KCND2: variants seen among roughly 807,000 people sequenced by gnomAD.
KCND2 encodes the protein potassium voltage-gated channel subfamily D member 2.
Under a neutral mutation model 54.4 loss-of-function variants are expected in KCND2, and 16 were observed. The ratio of observed to expected loss-of-function variants is 0.29; its 90% confidence interval spans 0.20 to 0.45. The LOEUF is 0.45. KCND2 is among the 20% of genes least tolerant of loss of function. KCND2 has a pLI of 1.00. For missense variants in KCND2, 486 were observed against 824.2 expected, an observed-to-expected ratio of 0.59 and a Z score of 5.02; for synonymous variants, 317 against 310.7, an observed-to-expected ratio of 1.02 and a Z score of -0.21.
intron 1 of KCND2, among the ~76,000 whole-genome samples, chr7:120,280,598 G>T (rs539096179): frequency 1.3e-3 from 194 of 151,958 alleles, no homozygotes; most frequent in African/African-American, 4.5e-3. Context: ...CTTTGAAAAT[G>T]AGTCACAAAG....
intron 1 of KCND2, among the ~76,000 whole-genome samples, chr7:120,579,977 T>G (rs1584838152): frequency 6.6e-6 from 1 of 152,350 alleles, no homozygotes; most frequent in East Asian, 1.9e-4. Context: ...GCTCCATTTC[T>G]GATACTGAGA....
At chr7:120,581,757 G>A (rs1333774968) in intron 1 of KCND2, among the ~76,000 whole-genome samples, 1 of 151,788 alleles carries the variant, frequency 6.6e-6, no homozygotes, top group Non-Finnish European at 1.5e-5. Context: ...CGGTGCCCAG[G>A]CTGGAGTGCA....
At chr7:120,298,697 C>T (rs544621126) in intron 1 of KCND2, among the ~76,000 whole-genome samples, 12 of 152,214 alleles carry the variant, frequency 7.9e-5, no homozygotes, top group Admixed American at 1.3e-4. Flanking sequence ...GAAATGTTGC[C>T]GTCAAAGCCT....
intron 1 of KCND2, among the ~76,000 whole-genome samples, chr7:120,653,376 AC>A (rs1448106112): frequency 6.6e-6 from 1 of 151,858 alleles, no homozygotes; most frequent in Admixed American, 6.6e-5. Flanking sequence ...ATTGAAAAGA[AC>A]CCCCAGAGAT....
intron 1 of KCND2, among the ~76,000 whole-genome samples, chr7:120,649,969 T>G (rs1791705641): frequency 6.6e-6 from 1 of 152,204 alleles, no homozygotes; most frequent in African/African-American, 2.4e-5. Context: ...CTTGTGGAGT[T>G]TCTGCCGAGA....
chr7:120,492,023 T>A (rs990474072), intron 1 of KCND2, among the ~76,000 whole-genome samples: 2 of 152,028 alleles, frequency 1.3e-5, no homozygotes, highest in Non-Finnish European at 2.9e-5. Context: ...AATGAAAAAA[T>A]GTTTTCTTTG....
intron 1 of KCND2, among the ~76,000 whole-genome samples, chr7:120,321,245 C>T (rs1799889567): frequency 6.6e-6 from 1 of 152,078 alleles, no homozygotes; most frequent in African/African-American, 2.4e-5. Flanking sequence ...TGCAGATTTA[C>T]TACATTCTCA....
chr7:120,272,927 A>G (rs1459143223), upstream of KCND2, among the ~76,000 whole-genome samples: 6 of 151,410 alleles, frequency 4.0e-5, no homozygotes, highest in Non-Finnish European at 5.9e-5. Context: ...TTGAACCGGG[A>G]CTCGAGAGGC....
intron 1 of KCND2, among the ~76,000 whole-genome samples, chr7:120,719,576 T>C (rs1005202245): frequency 6.6e-6 from 1 of 152,168 alleles, no homozygotes; most frequent in Admixed American, 6.5e-5. Context: ...ATCTGCAATC[T>C]TATAATCTCC....
At chr7:120,454,748 A>G (rs1431345904) in intron 1 of KCND2, among the ~76,000 whole-genome samples, 1 of 152,162 alleles carries the variant, frequency 6.6e-6, no homozygotes, top group African/African-American at 2.4e-5. Context: ...TCCTATCTCT[A>G]TTATCAGATG....
At chr7:120,379,652 G>T (rs1800887443) in intron 1 of KCND2, among the ~76,000 whole-genome samples, 2 of 151,910 alleles carry the variant, frequency 1.3e-5, no homozygotes, top group Non-Finnish European at 2.9e-5. Flanking sequence ...AATGCAACTA[G>T]AGTTTACAAA....
chr7:120,316,336 C>T (rs1324660327), intron 1 of KCND2, among the ~76,000 whole-genome samples: 1 of 152,144 alleles, frequency 6.6e-6, no homozygotes, highest in Non-Finnish European at 1.5e-5. Context: ...GATGCAGAGG[C>T]AATTTTCAGA....
chr7:120,605,502 A>C (rs780125979), intron 1 of KCND2, among the ~76,000 whole-genome samples: 1 of 152,208 alleles, frequency 6.6e-6, no homozygotes, highest in Non-Finnish European at 1.5e-5. Flanking sequence ...ATTGGGGGCT[A>C]TTATGATAAA....
intron 1 of KCND2, among the ~76,000 whole-genome samples, chr7:120,452,080 C>T (rs1802121336): frequency 6.6e-6 from 1 of 152,082 alleles, no homozygotes; most frequent in Admixed American, 6.5e-5. Flanking sequence ...CTATGAGAGA[C>T]AAGAAATACA....
At chr7:120,338,941 A>G (rs1413486444) in intron 1 of KCND2, among the ~76,000 whole-genome samples, 1 of 151,714 alleles carries the variant, frequency 6.6e-6, no homozygotes, top group Non-Finnish European at 1.5e-5. Context: ...GTGCAGTGGC[A>G]TGGATCTCAG....
chr7:120,540,813 A>AT (rs1554365833), intron 1 of KCND2, among the ~76,000 whole-genome samples: 1,566 of 151,698 alleles, frequency 0.01, 30 homozygotes, highest in African/African-American at 0.036. Flanking sequence ...TTCACTCTCT[A>AT]TAAAAAAAAA....
At chr7:120,369,466 A>T (rs1800734883) in intron 1 of KCND2, among the ~76,000 whole-genome samples, 1 of 152,078 alleles carries the variant, frequency 6.6e-6, no homozygotes, top group South Asian at 2.1e-4. Context: ...AATATATGAA[A>T]TTAAATATTA....
chr7:120,673,548 C>G (rs1301221203), intron 1 of KCND2, among the ~76,000 whole-genome samples: 1 of 152,020 alleles, frequency 6.6e-6, no homozygotes, highest in Non-Finnish European at 1.5e-5. Context: ...ATCTAAAATC[C>G]ATCCTCCTTC....
intron 1 of KCND2, among the ~76,000 whole-genome samples, chr7:120,502,957 G>A (rs73437826): frequency 0.026 from 4,001 of 152,060 alleles, 159 homozygotes; most frequent in African/African-American, 0.09. Context: ...TACTTTCCTA[G>A]CTATTTTATA....
Sources: allele counts gnomAD v4.1 joint callset (sites outside exome capture counted in the v4.1 genomes callset), GRCh38; gene constraint gnomAD v4.1.1; transcripts MANE v1.5; gene names NCBI Gene and HGNC (gene_info 2026-07-23, HGNC 2026-07-21).